Variants in NF1 observed in about 807,000 individuals in gnomAD.
NF1 encodes neurofibromin 1, also known as neurofibromin.
A neutral mutation model predicts 325.7 loss-of-function variants in NF1; 122 were observed. The ratio of observed to expected loss-of-function variants is 0.37; its 90% CI spans 0.32 to 0.44. The LOEUF (loss-of-function observed/expected upper bound fraction) is 0.44, where lower values mean the gene tolerates loss of function less well. Among genes scored for constraint, NF1 ranks in the 20% least tolerant of loss-of-function variants. NF1 has a pLI of 1.00. For missense variants in NF1, 2,140 were observed against 3,415.4 expected (o/e 0.63, Z 9.31); for synonymous variants, 1,091 against 1,186.0 (o/e 0.92, Z 1.65).
chr17:31,241,043 G>T (rs1344072931), intron 29 of NF1, among the ~76,000 whole-genome samples: 1 of 151,818 alleles, frequency 6.6e-6, no homozygotes, highest in African/African-American at 2.4e-5. Context: ...ATGCCCAGCT[G>T]ATTTTTGTAT....
intron 8 of NF1, among the ~76,000 whole-genome samples, chr17:31,186,815 G>A (rs555044494): frequency 6.6e-6 from 1 of 152,352 alleles, no homozygotes; most frequent in Non-Finnish European, 1.5e-5. Flanking sequence ...AGTTATGCAT[G>A]GGCTTAGCAA....
intron 31 of NF1, 80 bp from the exon 32 acceptor site, chr17:31,258,264 G>A: frequency 6.7e-7 from 1 of 1,500,540 alleles, no homozygotes; most frequent in South Asian, 1.1e-5. Flanking sequence ...TTTATGCAAA[G>A]TTTGACCTTT....
intron 11 of NF1, among the ~76,000 whole-genome samples, chr17:31,203,847 A>C (rs945986585): frequency 6.6e-6 from 1 of 152,090 alleles, no homozygotes; most frequent in African/African-American, 2.4e-5. Flanking sequence ...TTTGTGTAGA[A>C]GTAGTAAGGT....
chr17:31,120,910 A>G (rs1485209735), intron 1 of NF1, among the ~76,000 whole-genome samples: 1 of 152,236 alleles, frequency 6.6e-6, no homozygotes, highest in Non-Finnish European at 1.5e-5. Context: ...AACAATTCCC[A>G]CAACTTCTAG....
intron 36 of NF1, chr17:31,318,390 C>G (rs2069082223): frequency 1.2e-6 from 2 of 1,613,870 alleles, no homozygotes; most frequent in Non-Finnish European, 1.7e-6. Context: ...TAGATTGCAT[C>G]ACTAGGTTGG....
intron 11 of NF1, among the ~76,000 whole-genome samples, chr17:31,203,032 A>G (rs971511886): frequency 6.6e-6 from 1 of 152,234 alleles, no homozygotes; most frequent in African/African-American, 2.4e-5. Context: ...ACCCAAATAT[A>G]TACTTTTTTG....
intron 1 of NF1, among the ~76,000 whole-genome samples, chr17:31,134,589 T>G (rs1287290352): frequency 6.6e-6 from 1 of 152,264 alleles, no homozygotes; most frequent in Non-Finnish European, 1.5e-5. Context: ...TGTTTCTGGC[T>G]CAGAGTCTTT....
At chr17:31,281,614 G>A (rs1413218207) in intron 36 of NF1, among the ~76,000 whole-genome samples, 1 of 151,904 alleles carries the variant, frequency 6.6e-6, no homozygotes, top group Admixed American at 6.6e-5. Flanking sequence ...CTCTGCTTTT[G>A]CATACTCTTT....
chr17:31,322,092 TATACAC>T (rs745677605), intron 36 of NF1, among the ~76,000 whole-genome samples: 53 of 48,484 alleles, frequency 1.1e-3, no homozygotes, highest in Admixed American at 6.2e-3. Context: ...GTAGTGTGTG[TATACAC>T]ACACACACAC....
At chr17:31,249,631 C>T (rs376031025) in intron 30 of NF1, among the ~76,000 whole-genome samples, 1 of 152,190 alleles carries the variant, frequency 6.6e-6, no homozygotes, top group Non-Finnish European at 1.5e-5. Context: ...AGAGATACTG[C>T]ATCATCATTC....
chr17:31,273,619 C>G (rs2067946034), intron 36 of NF1: 1 of 152,130 alleles, frequency 6.6e-6, no homozygotes, highest in African/African-American at 2.4e-5. Context: ...CAGTCTTTCT[C>G]CAGCGTCTAT....
chr17:31,232,695 C>G lies in NF1; in HGVS notation c.3315-5C>G. On this transcript the variant is annotated splice_polypyrimidine_tract_variant and splice_region_variant and intron_variant, in intron 25 of 57. Transcript: ENST00000358273. ...TATGTAAAGGTCAGTCTTTTTATTT[C>G]TCAGATACTTCACATTATTTATGAA... The G allele has an allele frequency of 6.2e-7, 1 of 1,613,386 alleles. No homozygotes were observed. The highest frequency in any genetic ancestry group is 8.5e-7 in the Non-Finnish European group (1 of 1,179,736).
In NF1 at chr17:31,227,187, A is replaced by T. The variant is rs141082540; in HGVS notation, c.2252-31A>T. ...CATTGGCAGGCAGGGCTCTAAGTGC[A>T]GTAACTTGATTTGCTGTTGTATTTG... On this transcript the variant is annotated intron_variant, in intron 18 of 57. Coordinates refer to ENST00000358273, the MANE Select transcript of NF1 (RefSeq NM_001042492.3). 7,387 of 1,609,834 alleles carry T rather than the reference A, an allele frequency of 4.6e-3. 20 individuals are homozygous for T. Among genetic ancestry groups the T allele is most frequent in the Non-Finnish European group, 5.3e-3 (6,208 of 1,176,216 alleles).
At chr17:31,133,389 A>G (rs185047144) in intron 1 of NF1, 58 of 152,290 alleles carry the variant, frequency 3.8e-4, no homozygotes, top group African/African-American at 1.3e-3. Flanking sequence ...TCCATTCAGG[A>G]CATTTGGGTT....
chr17:31,332,673 A>C lies in NF1; in HGVS notation c.5813-2165A>C, dbSNP rs1399367214. 8.3e-5 allele frequency among the ~76,000 whole-genome samples: 4 copies of C among 48,024 alleles called. 1 individual carries two copies. In the East Asian group the frequency reaches 1.8e-3, roughly 21 times the overall value. 31.5% of individuals were successfully genotyped at this position (48,024 alleles called of 152,430 possible). A position where few individuals can be genotyped will look rare whatever the true frequency, so the allele number is the denominator to read the frequency against. ...TACATGTGCCATGCTGGTGCGCTGC[A>C]CCCACTACTGTGTCATCTAGCATTA... On this transcript the variant is annotated intron_variant, in intron 39 of 57. Transcript: ENST00000358273.
rs778817599 is a variant in NF1 at position 31,326,012 on chromosome 17, A to G, written c.5028A>G (p.Ala1676=). The part of the protein sequence containing the change: ...FPGFAYDNVS[A]VYIYNCNSWV... ...GCTTTGCTTACGACAACGTCTCCGC[A>G]GTCTATATCTATAACTGTAACTCCT... Residue 1676 remains alanine (A), a synonymous_variant, in exon 37 of 58, where the codon GCA becomes GCG. Transcript: ENST00000358273. 9 of 1,614,074 alleles carry G rather than the reference A, an allele frequency of 5.6e-6. No individual in the cohort carries two copies. The highest frequency in any genetic ancestry group is 5.0e-5 in the Admixed American group (3 of 60,002).
In NF1 at chr17:31,229,578, C is replaced by CA. The variant is rs1359397395; in HGVS notation, c.2850+119dup. On this transcript the variant is annotated intron_variant, in intron 21 of 57. Transcript: ENST00000358273. ...GGTACTCACAGTTTTTAAAAATTTC[C>CA]AAAAAATTGCAGAAAGAAGAGTCAT... The CA allele has an allele frequency of 4.6e-6, 6 of 1,298,052 alleles. No homozygotes were observed. In the African/African-American group the frequency reaches 7.5e-5, roughly 16 times the overall value. The allele number at this position is 1,298,052 out of a possible 1,614,324, so 80.4% of individuals were successfully genotyped here. A position where few individuals can be genotyped will look rare whatever the true frequency, so the allele number is the denominator to read the frequency against.
chr17:31,276,181 C>T (rs962004292), intron 36 of NF1, among the ~76,000 whole-genome samples: 3 of 134,702 alleles, frequency 2.2e-5, no homozygotes, highest in African/African-American at 8.8e-5. Flanking sequence ...TGCACTCCAG[C>T]CTGGGGGACA....
intron 1 of NF1, chr17:31,133,390 C>T (rs1310178327): frequency 6.6e-6 from 1 of 152,200 alleles, no homozygotes; most frequent in Non-Finnish European, 1.5e-5. Context: ...CCATTCAGGA[C>T]ATTTGGGTTA....
Sources: allele counts gnomAD v4.1 joint callset (sites outside exome capture counted in the v4.1 genomes callset), GRCh38; gene constraint gnomAD v4.1.1; transcripts MANE v1.5; gene names NCBI Gene and HGNC (gene_info 2026-07-23, HGNC 2026-07-21).